ABAT: variants seen among roughly 807,000 people sequenced by gnomAD.
ABAT encodes 4-aminobutyrate aminotransferase, mitochondrial.
In ABAT, 45 loss-of-function variants were observed where a neutral mutation model predicts 64.6. The observed-to-expected ratio is 0.70, with a 90% CI of 0.55 to 0.89. ABAT has a LOEUF of 0.89. Ranked by LOEUF, ABAT falls within the 40% of genes least tolerant of loss-of-function variation. ABAT has a pLI of 0.00. For missense variants in ABAT, 633 were observed against 658.4 expected, an observed-to-expected ratio of 0.96 and a Z score of 0.42; for synonymous variants, 297 against 250.5, an observed-to-expected ratio of 1.19 and a Z score of -1.75.
Position 8,783,751 on chromosome 16 carries a change from C to T in ABAT, c.*2321C>T, listed in dbSNP as rs2060489832. 1.3e-5 allele frequency: 2 copies of T among 152,122 alleles called. No homozygotes were observed. Among genetic ancestry groups the T allele is most frequent in the Admixed American group, 1.3e-4 (2 of 15,274 alleles). The allele number at this position is 152,122 out of a possible 1,614,324, so 9.4% of individuals were successfully genotyped here. ...TCTCGGAGTCCAAAGGGTTTTAAGC[C>T]AGGGCACAACCAGAAAAGTGGCTCT... On this transcript the variant is annotated 3_prime_UTR_variant, in exon 16 of 16. Coordinates refer to ENST00000268251, the MANE Select transcript of ABAT (RefSeq NM_020686.6).
At chr16:8,779,705 G>A in intron 15 of ABAT, 115 bp downstream of exon 15, 1 of 795,820 alleles carries the variant, frequency 1.3e-6, no homozygotes, top group South Asian at 1.4e-5. Flanking sequence ...GTGGTACACA[G>A]GTCTGAAAAG....
At chr16:8,732,196 G>GTTTTTTTTTT (rs746087281) in intron 1 of ABAT, among the ~76,000 whole-genome samples, 1 of 18,688 alleles carries the variant, frequency 5.4e-5, no homozygotes, top group African/African-American at 1.0e-4. Context: ...GGTTTTTTTT[G>GTTTTTTTTTT]TTTTTTTTTT....
chr16:8,763,816 G>A (rs1353481002), intron 6 of ABAT, among the ~76,000 whole-genome samples: 1 of 152,210 alleles, frequency 6.6e-6, no homozygotes, highest in Non-Finnish European at 1.5e-5. Context: ...CCCAGCGGCA[G>A]TAGCATCCTA....
chr16:8,766,090 A>T (rs1273581674), intron 8 of ABAT, 118 bp from the exon 9 acceptor site: 2 of 900,798 alleles, frequency 2.2e-6, no homozygotes, highest in Non-Finnish European at 1.8e-6. Flanking sequence ...AATACATGAG[A>T]TCCACTCCTG....
chr16:8,781,276 C>A lies in ABAT; in HGVS notation c.1382-33C>A, dbSNP rs1596475564. ...TCTCCCAGCATGTGACTTTGAGAAACCACGCTCCTCACCTACCTCCTGCCT... is the reference window on the plus strand; with the variant it reads ...TCTCCCAGCATGTGACTTTGAGAAAACACGCTCCTCACCTACCTCCTGCCT... On this transcript the variant is annotated intron_variant, in intron 15 of 15. Coordinates refer to ENST00000268251, the MANE Select transcript of ABAT (RefSeq NM_020686.6). This position sits in a 1 kb window ranked among gnomAD's most constrained non-coding sequence, Gnocchi z 4.5. The A allele has an allele frequency of 6.2e-7, 1 of 1,613,682 alleles. No individual in the cohort carries two copies.
At chr16:8,688,069 A>AT (rs1291220792) in intron 1 of ABAT, among the ~76,000 whole-genome samples, 1 of 122,602 alleles carries the variant, frequency 8.2e-6, no homozygotes, top group African/African-American at 3.0e-5. Flanking sequence ...TATTTTACTT[A>AT]TTTTTTATTT....
chr16:8,758,103 A>C (rs1279737053), intron 6 of ABAT, among the ~76,000 whole-genome samples: 1 of 152,228 alleles, frequency 6.6e-6, no homozygotes, highest in Non-Finnish European at 1.5e-5. Flanking sequence ...CTAATAGTTA[A>C]TGTTTATGGA....
intron 6 of ABAT, among the ~76,000 whole-genome samples, chr16:8,762,438 G>A (rs1341052373): frequency 6.6e-6 from 1 of 152,176 alleles, no homozygotes; most frequent in Non-Finnish European, 1.5e-5. Flanking sequence ...TTTGGCAGAT[G>A]AGAAACCCAA....
intron 2 of ABAT, among the ~76,000 whole-genome samples, chr16:8,739,283 G>C (rs1383510233): frequency 6.6e-6 from 1 of 152,232 alleles, no homozygotes; most frequent in East Asian, 1.9e-4. Flanking sequence ...CAAGATTCAT[G>C]TGATTGGATT....
intron 1 of ABAT, among the ~76,000 whole-genome samples, chr16:8,679,964 G>A (rs549802460): frequency 3.3e-5 from 5 of 152,194 alleles, no homozygotes; most frequent in Non-Finnish European, 7.4e-5. Flanking sequence ...GGGATGGGAT[G>A]GCATCATGTG....
rs55638039 is a variant in ABAT, at chr16:8,781,595, A to T, written c.*165A>T. 8.5e-3 allele frequency: 3,859 copies of T among 453,276 alleles called. 59 individuals are homozygous for T. Among genetic ancestry groups the T allele is most frequent in the African/African-American group, 0.054 (2,491 of 46,078 alleles). 28.1% of individuals were successfully genotyped at this position (453,276 alleles called of 1,614,324 possible). A position where few individuals can be genotyped will look rare whatever the true frequency, so the allele number is the denominator to read the frequency against. ...TGGTGGTCTTGGGGGAGGGGAGGGG[A>T]GGGAAGGGCTGGTGTTGATTTTCCT... On this transcript the variant is annotated 3_prime_UTR_variant, in exon 16 of 16. Coordinates refer to ENST00000268251, the MANE Select transcript of ABAT (RefSeq NM_020686.6). The surrounding 1 kb of genome is among the most constrained non-coding windows in gnomAD (Gnocchi z 4.5).
intron 1 of ABAT, among the ~76,000 whole-genome samples, chr16:8,681,194 T>C (rs971165116): frequency 5.3e-5 from 8 of 152,254 alleles, no homozygotes; most frequent in African/African-American, 1.9e-4. Flanking sequence ...TCTCCCTATG[T>C]AGCCCAGGCT....
chr16:8,724,949 C>T (rs182003040), intron 1 of ABAT, among the ~76,000 whole-genome samples: 196 of 148,906 alleles, frequency 1.3e-3, no homozygotes, highest in African/African-American at 4.6e-3. Flanking sequence ...TGGAGTCTCA[C>T]TCTGTTGCCC....
chr16:8,730,633 C>T (rs940471279), intron 1 of ABAT, among the ~76,000 whole-genome samples: 2 of 152,142 alleles, frequency 1.3e-5, no homozygotes, highest in Non-Finnish European at 2.9e-5. Context: ...GTGGGAGAAG[C>T]CTCTTGGTCT....
At chr16:8,711,232 G>A (rs896843736) in intron 1 of ABAT, among the ~76,000 whole-genome samples, 3 of 152,186 alleles carry the variant, frequency 2.0e-5, no homozygotes, top group East Asian at 3.8e-4. Context: ...TCGTGAATAT[G>A]GCCAAATATT....
At chr16:8,723,642 C>G (rs966579706) in intron 1 of ABAT, among the ~76,000 whole-genome samples, 1 of 151,744 alleles carries the variant, frequency 6.6e-6, no homozygotes, top group African/African-American at 2.4e-5. Context: ...TATGATTGTC[C>G]AGGATGTGTT....
intron 12 of ABAT, 124 bp from the exon 13 acceptor site, chr16:8,774,766 G>T: frequency 8.6e-7 from 1 of 1,167,074 alleles, no homozygotes; most frequent in Non-Finnish European, 1.3e-6. Flanking sequence ...GGGCTGGTTT[G>T]CTCTTCAGAA....
intron 11 of ABAT, among the ~76,000 whole-genome samples, chr16:8,769,605 G>A (rs1009969783): frequency 5.9e-5 from 9 of 151,478 alleles, no homozygotes; most frequent in Non-Finnish European, 1.2e-4. Context: ...AAAGAATATG[G>A]GATATCCCAC....
intron 9 of ABAT, among the ~76,000 whole-genome samples, chr16:8,767,607 G>T (rs1167718770): frequency 6.6e-6 from 1 of 152,164 alleles, no homozygotes; most frequent in African/African-American, 2.4e-5. Flanking sequence ...GAGGAAAATG[G>T]GTCCAAACAG....
Sources: allele counts gnomAD v4.1 joint callset (sites outside exome capture counted in the v4.1 genomes callset), GRCh38; gene constraint gnomAD v4.1.1; non-coding constraint Gnocchi (gnomAD v3.1); transcripts MANE v1.5; gene names NCBI Gene and HGNC (gene_info 2026-07-23, HGNC 2026-07-21).